CUX2: variants seen among roughly 807,000 people sequenced by gnomAD.
The protein encoded by CUX2 is homeobox protein cut-like 2.
A neutral mutation model predicts 144.8 loss-of-function variants in CUX2; 40 were observed. The observed-to-expected ratio is 0.28, with a 90% CI of 0.21 to 0.36. The LOEUF (loss-of-function observed/expected upper bound fraction) is 0.36, where lower values mean the gene tolerates loss of function less well. CUX2 is among the 10% of genes least tolerant of loss of function. CUX2 has a pLI of 1.00. For synonymous variants in CUX2, 827 were observed against 875.6 expected, an observed-to-expected ratio of 0.94 and a Z score of 0.98; for missense variants, 1,615 against 1,994.0, an observed-to-expected ratio of 0.81 and a Z score of 3.62.
At chr12:111,229,789 G>A (rs1882369650) in intron 3 of CUX2, among the ~76,000 whole-genome samples, 1 of 152,080 alleles carries the variant, frequency 6.6e-6, no homozygotes, top group African/African-American at 2.4e-5. Context: ...CAGAGGCCAA[G>A]GCAGGCCAAT....
intron 1 of CUX2, among the ~76,000 whole-genome samples, chr12:111,105,546 C>T (rs1180729595): frequency 6.6e-6 from 1 of 152,112 alleles, no homozygotes; most frequent in Non-Finnish European, 1.5e-5. Context: ...CCCTGCCTCT[C>T]CAGAGCCTAT....
At chr12:111,341,585 G>A (rs1027859779) in intron 20 of CUX2, among the ~76,000 whole-genome samples, 195 bp from the exon 21 acceptor site, 1 of 152,124 alleles carries the variant, frequency 6.6e-6, no homozygotes, top group Non-Finnish European at 1.5e-5. Flanking sequence ...GCATCTTGTG[G>A]CGGGGGATTG....
chr12:111,297,449 G>A (rs1285522389), intron 8 of CUX2, among the ~76,000 whole-genome samples: 3 of 152,156 alleles, frequency 2.0e-5, no homozygotes, highest in Non-Finnish European at 4.4e-5. Context: ...GTCATTTGCT[G>A]TGCCACTCAC....
intron 15 of CUX2, among the ~76,000 whole-genome samples, chr12:111,311,616 T>TTTTA (rs1886910281): frequency 1.3e-5 from 2 of 150,252 alleles, no homozygotes; most frequent in African/African-American, 4.9e-5. Context: ...TTTTTTTTTT[T>TTTTA]GAGACGGAGT....
chr12:111,123,579 A>C (rs1314972403), intron 1 of CUX2, among the ~76,000 whole-genome samples: 1 of 152,112 alleles, frequency 6.6e-6, no homozygotes, highest in Non-Finnish European at 1.5e-5. Context: ...TGTATTGCCC[A>C]GGCTGGAATG....
chr12:111,218,378 TG>T (rs1881665307), intron 3 of CUX2, among the ~76,000 whole-genome samples: 1 of 151,966 alleles, frequency 6.6e-6, no homozygotes, highest in Non-Finnish European at 1.5e-5. Context: ...TAGCTAGTCA[TG>T]GTGGCACGTG....
At chr12:111,048,003 T>A (rs1300302347) in intron 1 of CUX2, among the ~76,000 whole-genome samples, 1 of 152,084 alleles carries the variant, frequency 6.6e-6, no homozygotes, top group Non-Finnish European at 1.5e-5. Flanking sequence ...GAGGTGGGAC[T>A]CAGCTTGTAA....
At chr12:111,141,929 C>T (rs1423173796) in intron 1 of CUX2, among the ~76,000 whole-genome samples, 1 of 152,090 alleles carries the variant, frequency 6.6e-6, no homozygotes, top group Admixed American at 6.6e-5. Flanking sequence ...ACTAAAAATA[C>T]AAAAATTAGC....
rs192851173 is a variant in CUX2 at position 111,088,691 on chromosome 12, G to A, written c.63+54451G>A. Among the ~76,000 whole-genome samples, 457 of 152,316 alleles carry A rather than the reference G, an allele frequency of 3.0e-3. 4 individuals carry two copies. Among genetic ancestry groups the A allele is most frequent in the African/African-American group, 0.01 (431 of 41,566 alleles). On this transcript the variant is annotated intron_variant, in intron 1 of 21. Coordinates refer to ENST00000261726, the MANE Select transcript of CUX2 (RefSeq NM_015267.4). ...GGACTTGTCTGAAGACAGACAGCTGGCAAATGGTAGAGACAGGACGCAGAC... is the reference window on the plus strand; with the variant it reads ...GGACTTGTCTGAAGACAGACAGCTGACAAATGGTAGAGACAGGACGCAGAC...
At chr12:111,143,406 C>A (rs1876459193) in intron 1 of CUX2, among the ~76,000 whole-genome samples, 1 of 152,186 alleles carries the variant, frequency 6.6e-6, no homozygotes, top group African/African-American at 2.4e-5. Context: ...GTCATTCGCA[C>A]CAGGCGTCGT....
intron 1 of CUX2, among the ~76,000 whole-genome samples, chr12:111,043,856 T>C (rs1263106692): frequency 6.6e-6 from 1 of 152,008 alleles, no homozygotes; most frequent in African/African-American, 2.4e-5. Context: ...GAGACAGAAA[T>C]GGTAGTAGGA....
At chr12:111,119,020 A>G (rs778726074) in intron 1 of CUX2, among the ~76,000 whole-genome samples, 1 of 152,226 alleles carries the variant, frequency 6.6e-6, no homozygotes, top group Non-Finnish European at 1.5e-5. Context: ...CTGGGCTCCT[A>G]TCAGATTGCA....
chr12:111,098,640 C>T (rs1397826337), intron 1 of CUX2, among the ~76,000 whole-genome samples: 20 of 152,204 alleles, frequency 1.3e-4, no homozygotes, highest in Admixed American at 1.2e-3. Context: ...GACATGTTAA[C>T]GGGGGAATGG....
At position 111,312,937 on chromosome 12, in the gene CUX2, C is replaced by T. The variant is rs913515805; in HGVS notation, c.2002+736C>T. 3.3e-5 allele frequency among the ~76,000 whole-genome samples: 5 copies of T among 152,194 alleles called. No homozygotes were observed. The highest frequency in any genetic ancestry group is 5.9e-5 in the Non-Finnish European group (4 of 68,042). The stretch of plus-strand genomic sequence containing the variant: ...AAGAAGATGGGTTGGACACTGCACC[C>T]GCTTCCCTCCACCCCCACCACAGTG... On this transcript the variant is annotated intron_variant, in intron 16 of 21. Coordinates refer to ENST00000261726, the MANE Select transcript of CUX2 (RefSeq NM_015267.4). This position sits in a 1 kb window ranked among gnomAD's most constrained non-coding sequence, Gnocchi z 4.3.
chr12:111,062,029 C>T (rs1400811417), intron 1 of CUX2, among the ~76,000 whole-genome samples: 1 of 152,228 alleles, frequency 6.6e-6, no homozygotes, highest in Non-Finnish European at 1.5e-5. Flanking sequence ...AGTGAATTTG[C>T]CTGAAGCATG....
At chr12:111,081,587 C>T (rs1445593837) in intron 1 of CUX2, among the ~76,000 whole-genome samples, 2 of 152,010 alleles carry the variant, frequency 1.3e-5, no homozygotes. Flanking sequence ...GGCTTCTCCA[C>T]CTATAGGAAG....
rs115989909 is a variant in CUX2, at chr12:111,128,917, G to A, written c.64-85283G>A. Among the ~76,000 whole-genome samples, 847 of 152,292 alleles carry A rather than the reference G, an allele frequency of 5.6e-3. 6 individuals are homozygous for A. The highest frequency in any genetic ancestry group is 0.019 in the African/African-American group (785 of 41,548). ...TAGACCTGTTGCAGAGCCTTCTCCT[G>A]TTCTGGGTCCCACTCCAAACTGGCA... is the stretch of plus-strand genomic sequence containing the variant. On this transcript the variant is annotated intron_variant, in intron 1 of 21. Coordinates refer to ENST00000261726, the MANE Select transcript of CUX2 (RefSeq NM_015267.4).
intron 3 of CUX2, among the ~76,000 whole-genome samples, chr12:111,252,975 T>C (rs73414584): frequency 0.079 from 11,972 of 151,866 alleles, 1,610 homozygotes; most frequent in African/African-American, 0.27. Context: ...CTCTGTTGCT[T>C]TTATGCCTCC....
At position 111,298,573 on chromosome 12, in the gene CUX2, T is replaced by C; in HGVS notation, c.737T>C (p.Leu246Pro). The change falls in exon 9 of 22, where the codon CTG becomes CCG. Residue 246 changes from leucine to proline, a missense_variant. Leu to Pro is a moderately conservative substitution (Grantham distance 98, BLOSUM62 -3). Transcript: ENST00000261726. ...GAAGTCGGCCTGATCATGACCAACC[T>C]GGAGAAAGCTAATCAGGTGAGGAGG... Reference protein sequence around the residue: ...ADEVGLIMTNLEKANQRAEAA... With the variant: ...ADEVGLIMTNPEKANQRAEAA... The C allele has an allele frequency of 6.3e-7, 1 of 1,576,198 alleles. No homozygotes were observed. Among genetic ancestry groups the C allele is most frequent in the Non-Finnish European group, 8.6e-7 (1 of 1,159,844 alleles).
Sources: allele counts gnomAD v4.1 joint callset (sites outside exome capture counted in the v4.1 genomes callset), GRCh38; gene constraint gnomAD v4.1.1; non-coding constraint Gnocchi (gnomAD v3.1); transcripts MANE v1.5; gene names NCBI Gene and HGNC (gene_info 2026-07-23, HGNC 2026-07-21).